Variants in ABCG2 observed in about 807,000 individuals in gnomAD.
ABCG2 encodes ATP binding cassette subfamily G member 2 (JR blood group).
In ABCG2, 80 loss-of-function variants were observed where a neutral mutation model predicts 73.5. The ratio of observed to expected loss-of-function variants is 1.09; its 90% CI spans 0.91 to 1.31. ABCG2 has a LOEUF of 1.31. ABCG2 is among the 50% of genes most tolerant of loss of function. The pLI, the probability that ABCG2 is intolerant of heterozygous loss-of-function variation, is 0.00. For synonymous variants in ABCG2, 269 were observed against 282.4 expected, an observed-to-expected ratio of 0.95 and a Z score of 0.48; for missense variants, 796 against 786.2, an observed-to-expected ratio of 1.01 and a Z score of -0.15.
chr4:88,132,863 G>A (rs1025709499), intron 2 of ABCG2, among the ~76,000 whole-genome samples: 3 of 151,908 alleles, frequency 2.0e-5, no homozygotes, highest in Non-Finnish European at 2.9e-5. Context: ...GAGGCCAGGA[G>A]TTTGAGACCA....
At chr4:88,144,344 T>C (rs923121425) in intron 1 of ABCG2, among the ~76,000 whole-genome samples, 3 of 152,114 alleles carry the variant, frequency 2.0e-5, no homozygotes, top group Non-Finnish European at 2.9e-5. Flanking sequence ...GATTTGCATA[T>C]GGAGATTCTT....
At chr4:88,137,014 A>ATAAAAT (rs1560702845) in intron 2 of ABCG2, among the ~76,000 whole-genome samples, 1 of 99,364 alleles carries the variant, frequency 1.0e-5, no homozygotes, top group Non-Finnish European at 1.7e-5. Flanking sequence ...CTCCATCTCA[A>ATAAAAT]TAAAATAAAA....
At chr4:88,215,922 A>G (rs1469726735) in intron 1 of ABCG2, among the ~76,000 whole-genome samples, 3 of 152,234 alleles carry the variant, frequency 2.0e-5, no homozygotes, top group Admixed American at 2.0e-4. Flanking sequence ...AAGCTCTTCC[A>G]TCCACTGATG....
chr4:88,208,493 C>T (rs1055563145), intron 1 of ABCG2, among the ~76,000 whole-genome samples: 5 of 152,116 alleles, frequency 3.3e-5, no homozygotes, highest in African/African-American at 7.2e-5. Flanking sequence ...GAGGGCTGGT[C>T]GGGTAGATAC....
At chr4:88,097,887 A>G (rs988666171) in intron 12 of ABCG2, among the ~76,000 whole-genome samples, 1 of 152,168 alleles carries the variant, frequency 6.6e-6, no homozygotes, top group Non-Finnish European at 1.5e-5. Context: ...CCAAAATTCA[A>G]CTGCCTTCTC....
chr4:88,133,611 G>GAAAAAATTTTTTTGACTGTGTTTTTTGA (rs1725047941), intron 2 of ABCG2, among the ~76,000 whole-genome samples: 1 of 152,194 alleles, frequency 6.6e-6, no homozygotes, highest in Admixed American at 6.5e-5. Context: ...AAAAATTATG[G>GAAAAAATTTTTTTGACTGTGTTTTTTGA]CAGTGTTGAC....
chr4:88,164,795 T>A (rs1481105156), intron 1 of ABCG2, among the ~76,000 whole-genome samples: 3 of 152,182 alleles, frequency 2.0e-5, no homozygotes, highest in Admixed American at 1.3e-4. Context: ...TGTTTGTTTT[T>A]GAGACAGAGT....
intron 11 of ABCG2, among the ~76,000 whole-genome samples, chr4:88,100,726 C>T (rs531966816): frequency 8.5e-5 from 13 of 152,172 alleles, no homozygotes; most frequent in South Asian, 2.1e-4. Context: ...GAATGCCTTC[C>T]GGCTCGTGCC....
At chr4:88,195,717 C>T (rs1728915965) in intron 1 of ABCG2, among the ~76,000 whole-genome samples, 1 of 152,216 alleles carries the variant, frequency 6.6e-6, no homozygotes, top group Non-Finnish European at 1.5e-5. Flanking sequence ...TGGTTTTATA[C>T]ACTGGCATAC....
At chr4:88,092,503 A>G in intron 15 of ABCG2, 122 bp from the exon 16 acceptor site, 1 of 975,782 alleles carries the variant, frequency 1.0e-6, no homozygotes, top group Non-Finnish European at 1.5e-6. Flanking sequence ...TTACCCCTTC[A>G]GATATCATAG....
intron 8 of ABCG2, among the ~76,000 whole-genome samples, chr4:88,113,767 C>T (rs1283772824): frequency 6.6e-6 from 1 of 151,622 alleles, no homozygotes; most frequent in Non-Finnish European, 1.5e-5. Flanking sequence ...TCGAGACCAG[C>T]CTGACCAACA....
chr4:88,201,276 C>T (rs1426325239), intron 1 of ABCG2, among the ~76,000 whole-genome samples: 1 of 149,426 alleles, frequency 6.7e-6, no homozygotes, highest in East Asian at 1.9e-4. Context: ...TAGACATTAC[C>T]TGGTTGGCCC....
chr4:88,176,477 CTTTTTT>C (rs34754034), intron 1 of ABCG2, among the ~76,000 whole-genome samples: 4 of 84,854 alleles, frequency 4.7e-5, no homozygotes, highest in Admixed American at 1.7e-4. Flanking sequence ...AAAGAGAATG[CTTTTTT>C]TTTTTTTTTT....
At chr4:88,172,875 G>A (rs1727811313) in intron 1 of ABCG2, among the ~76,000 whole-genome samples, 1 of 152,024 alleles carries the variant, frequency 6.6e-6, no homozygotes, top group Admixed American at 6.6e-5. Context: ...GTGGATTCAG[G>A]GCTTTGTTCC....
chr4:88,154,872 T>C (rs1429545709), intron 1 of ABCG2, among the ~76,000 whole-genome samples: 1 of 145,034 alleles, frequency 6.9e-6, no homozygotes, highest in Non-Finnish European at 1.5e-5. Flanking sequence ...TAGTTTGTGA[T>C]TTTGAGGGCC....
intron 1 of ABCG2, among the ~76,000 whole-genome samples, chr4:88,173,362 G>A (rs543505463): frequency 6.6e-6 from 1 of 152,112 alleles, no homozygotes; most frequent in African/African-American, 2.4e-5. Context: ...TATGTTCTGT[G>A]TGATTGCATC....
intron 13 of ABCG2, 23 bp from the exon 14 acceptor site, chr4:88,095,632 G>C (rs754118696): frequency 1.3e-6 from 2 of 1,580,998 alleles, no homozygotes; most frequent in East Asian, 2.2e-5. Context: ...AATACTAAAA[G>C]TCAGGCCTGC....
intron 1 of ABCG2, among the ~76,000 whole-genome samples, chr4:88,204,278 G>T (rs140007187): frequency 2.0e-5 from 3 of 152,082 alleles, no homozygotes; most frequent in Non-Finnish European, 4.4e-5. Context: ...AAAATTAGCC[G>T]GGCGTGGTGA....
At chr4:88,180,743 AC>A in intron 1 of ABCG2, among the ~76,000 whole-genome samples, 1 of 152,066 alleles carries the variant, frequency 6.6e-6, no homozygotes, top group Admixed American at 6.6e-5. Context: ...ACAGAGTGAG[AC>A]CCTGTCTCAA....
Sources: allele counts gnomAD v4.1 joint callset (sites outside exome capture counted in the v4.1 genomes callset), GRCh38; gene constraint gnomAD v4.1.1; transcripts MANE v1.5; gene names NCBI Gene and HGNC (gene_info 2026-07-23, HGNC 2026-07-21).